Variants in CUX1 observed in about 807,000 individuals in gnomAD.
CUX1 encodes cut like homeobox 1, also known as protein CASP.
Under a neutral mutation model 158.8 loss-of-function variants are expected in CUX1, and 31 were observed. That is an observed-to-expected ratio of 0.20 (90% CI 0.15 to 0.26). CUX1 has a LOEUF of 0.26. Ranked by LOEUF, CUX1 falls within the 10% of genes least tolerant of loss-of-function variation. CUX1 has a pLI of 1.00. For missense variants in CUX1, 1,589 were observed against 2,014.6 expected (o/e 0.79, Z 4.04); for synonymous variants, 879 against 862.1 (o/e 1.02, Z -0.34).
At chr7:102,042,388 A>G (rs1262823607) in intron 3 of CUX1, among the ~76,000 whole-genome samples, 1 of 152,148 alleles carries the variant, frequency 6.6e-6, no homozygotes, top group Non-Finnish European at 1.5e-5. Context: ...GGTTCCCTGA[A>G]AGAGCTCTTT....
intron 1 of CUX1, among the ~76,000 whole-genome samples, chr7:101,909,785 C>T (rs1177519575): frequency 6.6e-6 from 1 of 152,242 alleles, no homozygotes; most frequent in East Asian, 1.9e-4. Context: ...GGGCAGGAGG[C>T]ATCCTTTGCA....
intron 1 of CUX1, chr7:101,818,848 G>T (rs905648327): frequency 6.6e-6 from 1 of 152,198 alleles, no homozygotes; most frequent in African/African-American, 2.4e-5. Context: ...GTTTGGGAGA[G>T]AATTCATTAG....
At chr7:102,112,240 C>CTT (rs201695519) in intron 7 of CUX1, among the ~76,000 whole-genome samples, 8,620 of 131,088 alleles carry the variant, frequency 0.066, 551 homozygotes, top group African/African-American at 0.13. Flanking sequence ...CTTTCTCTCT[C>CTT]TCTTTTTTTT....
At chr7:101,822,876 G>A (rs569171664) in intron 1 of CUX1, among the ~76,000 whole-genome samples, 2 of 150,204 alleles carry the variant, frequency 1.3e-5, no homozygotes, top group South Asian at 2.1e-4. Context: ...TCTGCATGCA[G>A]CCTGGGTGAC....
chr7:101,952,210 C>T (rs1809150383), intron 2 of CUX1, among the ~76,000 whole-genome samples: 1 of 152,056 alleles, frequency 6.6e-6, no homozygotes, highest in Non-Finnish European at 1.5e-5. Flanking sequence ...TAGCGAGACC[C>T]CGTCTCTACA....
chr7:102,234,757 T>TAA (rs34652160), intron 22 of CUX1, among the ~76,000 whole-genome samples: 42 of 109,576 alleles, frequency 3.8e-4, no homozygotes, highest in Non-Finnish European at 5.2e-4. Context: ...CCCTCACTAC[T>TAA]AAAAAAAAAA....
intron 1 of CUX1, among the ~76,000 whole-genome samples, chr7:101,842,872 AT>A (rs375610847): frequency 1.7e-3 from 178 of 105,770 alleles, no homozygotes; most frequent in African/African-American, 4.4e-3. Context: ...AAATTATTCT[AT>A]TTTTTTTTTT....
downstream of CUX1, among the ~76,000 whole-genome samples, chr7:102,261,046 T>C (rs1790366707): frequency 6.6e-6 from 1 of 152,218 alleles, no homozygotes; most frequent in African/African-American, 2.4e-5. Flanking sequence ...TTGCCCAGGC[T>C]CCCGGCCAGT....
intron 4 of CUX1, among the ~76,000 whole-genome samples, chr7:102,071,049 G>A (rs1229380264): frequency 5.3e-5 from 8 of 152,002 alleles, no homozygotes; most frequent in African/African-American, 1.7e-4. Flanking sequence ...TGCACCTCCC[G>A]GGCTCAAGCG....
At chr7:101,993,540 TG>T (rs886425363) in intron 2 of CUX1, among the ~76,000 whole-genome samples, 1 of 152,206 alleles carries the variant, frequency 6.6e-6, no homozygotes, top group Non-Finnish European at 1.5e-5. Flanking sequence ...GAGCTGCTGA[TG>T]CAGGAATAAA....
At chr7:102,233,357 T>G (rs782490263) in intron 21 of CUX1, among the ~76,000 whole-genome samples, 5 of 151,980 alleles carry the variant, frequency 3.3e-5, no homozygotes, top group Admixed American at 1.3e-4. Context: ...AGCTAATTTT[T>G]TGTGTGTGTA....
chr7:101,984,114 A>G (rs1813912285), intron 2 of CUX1, among the ~76,000 whole-genome samples: 1 of 46,972 alleles, frequency 2.1e-5, no homozygotes, highest in Non-Finnish European at 5.0e-5. Context: ...ATATATATAT[A>G]TATATATATA....
intron 2 of CUX1, among the ~76,000 whole-genome samples, chr7:102,011,894 T>C (rs757725842): frequency 6.6e-6 from 1 of 151,830 alleles, no homozygotes; most frequent in South Asian, 2.1e-4. Context: ...GTGTGATCGC[T>C]GGTCCCTGGG....
chr7:102,153,329 A>G (rs1835898542), intron 8 of CUX1: 1 of 152,152 alleles, frequency 6.6e-6, no homozygotes, highest in Admixed American at 6.5e-5. Flanking sequence ...GCTCTTCTCT[A>G]TGCCTGGGCC....
chr7:102,107,087 C>T (rs193020171), intron 6 of CUX1, among the ~76,000 whole-genome samples: 33 of 151,774 alleles, frequency 2.2e-4, no homozygotes, highest in Non-Finnish European at 3.1e-4. Context: ...TGTATGAATG[C>T]GCCATGCATG....
At chr7:102,121,137 A>T (rs2131190520) in intron 8 of CUX1, among the ~76,000 whole-genome samples, 1 of 152,262 alleles carries the variant, frequency 6.6e-6, no homozygotes, top group East Asian at 1.9e-4. Context: ...CTGCATGGCA[A>T]ATGTGGGTGG....
intron 14 of CUX1, among the ~76,000 whole-genome samples, chr7:102,264,004 C>CTT (rs60225596): frequency 4.0e-5 from 4 of 100,952 alleles, no homozygotes; most frequent in Admixed American, 1.1e-4. Flanking sequence ...AAGTTAACTT[C>CTT]TTTTTTTTTT....
downstream of CUX1, chr7:102,258,305 C>CCTTTGGACCTCG: frequency 1.9e-6 from 1 of 537,396 alleles, no homozygotes; most frequent in Non-Finnish European, 2.4e-6. Context: ...ATTCGAGGTC[C>CCTTTGGACCTCG]AAAGGGCACC....
In CUX1 at chr7:102,088,774, C is replaced by T. The variant is rs1374294726; in HGVS notation, c.269-8590C>T. On this transcript the variant is annotated intron_variant, in intron 4 of 23. Transcript: ENST00000292535. The stretch of plus-strand genomic sequence containing the variant: ...TTTTTTTAACCTATATACAATTAAT[C>T]TTTTTCTCTTCACCATTTAAGATTT... 2.0e-5 allele frequency among the ~76,000 whole-genome samples: 3 copies of T among 152,242 alleles called. No individual in the cohort carries two copies. The East Asian group carries it at 5.8e-4, about 29-fold the overall frequency.
Sources: allele counts gnomAD v4.1 joint callset (sites outside exome capture counted in the v4.1 genomes callset), GRCh38; gene constraint gnomAD v4.1.1; transcripts MANE v1.5; gene names NCBI Gene and HGNC (gene_info 2026-07-23, HGNC 2026-07-21).